STXBP5L: variants seen among roughly 807,000 people sequenced by gnomAD.
STXBP5L encodes the protein syntaxin-binding protein 5-like.
In STXBP5L, 65 loss-of-function variants were observed where a neutral mutation model predicts 144.5. The observed-to-expected ratio is 0.45, with a 90% CI of 0.37 to 0.55. STXBP5L has a LOEUF of 0.55. Among genes scored for constraint, STXBP5L ranks in the 20% least tolerant of loss-of-function variants. The pLI is 0.00. For synonymous variants in STXBP5L, 505 were observed against 469.6 expected, an observed-to-expected ratio of 1.08 and a Z score of -0.97; for missense variants, 1,298 against 1,405.5, an observed-to-expected ratio of 0.92 and a Z score of 1.22.
chr3:121,204,695 G>A lies in STXBP5L; in HGVS notation c.878-1228G>A, dbSNP rs138771273. Among the ~76,000 whole-genome samples the A allele has an allele frequency of 3.4e-5, 5 of 145,364 alleles. No individual in the cohort carries two copies. The Admixed American group carries it at 3.5e-4, about 10-fold the overall frequency. ...GTATCTATGTAATAGATAAACAACT[G>A]TGGTAATACAAGAATAAATAAGGGT... On this transcript the variant is annotated intron_variant, in intron 9 of 26. Coordinates refer to ENST00000471454, the MANE Select transcript of STXBP5L (RefSeq NM_001308330.2).
chr3:120,972,831 A>G (rs1940431152), intron 3 of STXBP5L, among the ~76,000 whole-genome samples: 1 of 151,976 alleles, frequency 6.6e-6, no homozygotes, highest in African/African-American at 2.4e-5. Flanking sequence ...ATTATCAGGT[A>G]GTTTTTATGT....
chr3:121,398,063 T>C (rs1294632284), intron 22 of STXBP5L, among the ~76,000 whole-genome samples: 2 of 152,240 alleles, frequency 1.3e-5, no homozygotes, highest in African/African-American at 4.8e-5. Flanking sequence ...CAAATCCTCC[T>C]GTTCGTTTAA....
At chr3:121,177,389 A>G (rs532369617) in intron 9 of STXBP5L, among the ~76,000 whole-genome samples, 1 of 152,258 alleles carries the variant, frequency 6.6e-6, no homozygotes, top group South Asian at 2.1e-4. Flanking sequence ...AGAAAATGTA[A>G]AGAATTCCTA....
intron 3 of STXBP5L, among the ~76,000 whole-genome samples, chr3:120,997,381 G>C (rs1048207043): frequency 1.3e-5 from 2 of 152,174 alleles, no homozygotes; most frequent in African/African-American, 4.8e-5. Flanking sequence ...ATTTCCACAG[G>C]AGTGGAACTA....
chr3:121,280,893 T>C (rs1577358281), intron 19 of STXBP5L, among the ~76,000 whole-genome samples: 1 of 151,070 alleles, frequency 6.6e-6, no homozygotes, highest in Admixed American at 6.6e-5. Context: ...CTACGTAACA[T>C]AGTGTGACCC....
intron 3 of STXBP5L, among the ~76,000 whole-genome samples, chr3:121,019,940 G>C (rs1041237016): frequency 6.6e-6 from 1 of 152,144 alleles, no homozygotes; most frequent in Non-Finnish European, 1.5e-5. Flanking sequence ...TGAATTGCCA[G>C]AAAAAGAATT....
At chr3:121,020,215 C>G (rs886914185) in intron 3 of STXBP5L, among the ~76,000 whole-genome samples, 1 of 151,932 alleles carries the variant, frequency 6.6e-6, no homozygotes, top group Non-Finnish European at 1.5e-5. Context: ...TTAATCCAAT[C>G]CAACAAAGAC....
chr3:121,350,385 C>T (rs902981782), intron 20 of STXBP5L, among the ~76,000 whole-genome samples: 4 of 152,102 alleles, frequency 2.6e-5, no homozygotes, highest in African/African-American at 9.7e-5. Flanking sequence ...TCTGGCTGCC[C>T]TTAACATTTT....
At chr3:121,093,217 A>G (rs1052610793) in intron 5 of STXBP5L, among the ~76,000 whole-genome samples, 43 of 152,308 alleles carry the variant, frequency 2.8e-4, no homozygotes, top group African/African-American at 1.0e-3. Flanking sequence ...CATCAAGGAC[A>G]TTGGTCTAAA....
intron 3 of STXBP5L, among the ~76,000 whole-genome samples, chr3:120,976,122 A>T (rs562630543): frequency 1.3e-4 from 20 of 152,284 alleles, no homozygotes; most frequent in Non-Finnish European, 2.5e-4. Context: ...AAGGAATGGT[A>T]CCAGCTCCTC....
chr3:121,401,137 T>C (rs1338213109), intron 22 of STXBP5L, among the ~76,000 whole-genome samples: 2 of 152,186 alleles, frequency 1.3e-5, no homozygotes, highest in African/African-American at 4.8e-5. Flanking sequence ...TGGCTGCATG[T>C]GTTCAGTATG....
intron 11 of STXBP5L, among the ~76,000 whole-genome samples, chr3:121,233,089 G>A (rs2049358645): frequency 6.6e-6 from 1 of 152,130 alleles, no homozygotes; most frequent in Non-Finnish European, 1.5e-5. Flanking sequence ...TTATGTAAAA[G>A]TTGAACCAGA....
At chr3:120,994,196 A>T (rs1315844778) in intron 3 of STXBP5L, among the ~76,000 whole-genome samples, 3 of 152,008 alleles carry the variant, frequency 2.0e-5, no homozygotes, top group African/African-American at 7.2e-5. Context: ...TTTTTGGTGC[A>T]GTCTTTAAGT....
intron 5 of STXBP5L, among the ~76,000 whole-genome samples, chr3:121,109,593 T>G (rs979197525): frequency 6.6e-6 from 1 of 152,104 alleles, no homozygotes; most frequent in African/African-American, 2.4e-5. Context: ...GAGACTGTTA[T>G]GATTTTAGTT....
intron 3 of STXBP5L, among the ~76,000 whole-genome samples, chr3:120,964,425 C>G (rs1045901980): frequency 1.3e-5 from 2 of 152,162 alleles, no homozygotes; most frequent in East Asian, 3.9e-4. Context: ...CTATACATAC[C>G]CTCTATACAC....
At chr3:121,087,519 G>A (rs148246459) in intron 5 of STXBP5L, among the ~76,000 whole-genome samples, 25 of 151,912 alleles carry the variant, frequency 1.6e-4, no homozygotes, top group African/African-American at 3.9e-4. Context: ...ATGTTTGCAC[G>A]ATATATCTTT....
intron 8 of STXBP5L, among the ~76,000 whole-genome samples, chr3:121,155,826 T>C (rs1382897399): frequency 6.6e-6 from 1 of 151,950 alleles, no homozygotes; most frequent in Admixed American, 6.6e-5. Context: ...TACTTTGGCT[T>C]TATTTAGCTA....
chr3:121,130,084 A>G (rs1266272490), intron 7 of STXBP5L, among the ~76,000 whole-genome samples: 1 of 152,166 alleles, frequency 6.6e-6, no homozygotes, highest in Middle Eastern at 3.2e-3. Flanking sequence ...TTTTGAGTGA[A>G]AGCCTAGAGA....
intron 3 of STXBP5L, among the ~76,000 whole-genome samples, chr3:120,993,461 AG>A (rs1285384909): frequency 2.0e-5 from 3 of 152,006 alleles, no homozygotes; most frequent in African/African-American, 7.2e-5. Flanking sequence ...TAAGGCTTTA[AG>A]CATTTGGAGT....
Sources: gnomAD v4.1 joint callset for allele counts (sites outside exome capture counted in the v4.1 genomes callset) on GRCh38, gnomAD v4.1.1 for gene constraint, MANE v1.5 for transcripts, NCBI Gene and HGNC (gene_info 2026-07-23, HGNC 2026-07-21) for gene names.